The following TM6SF1 variants were observed in gnomAD, a reference collection of about 807,000 sequenced individuals.
TM6SF1 encodes the protein transmembrane 6 superfamily member 1.
Under a neutral mutation model 47.1 loss-of-function variants are expected in TM6SF1, and 43 were observed. The observed-to-expected ratio is 0.91, with a 90% CI of 0.72 to 1.18. TM6SF1 has a LOEUF of 1.18. Ranked by LOEUF, TM6SF1 falls within the 50% of genes most tolerant of loss-of-function variation. TM6SF1 has a pLI of 0.00. For missense variants in TM6SF1, 390 were observed against 449.0 expected, an observed-to-expected ratio of 0.87 and a Z score of 1.19; for synonymous variants, 177 against 166.3, an observed-to-expected ratio of 1.06 and a Z score of -0.49.
chr15:83,116,500 G>T (rs2034672043), intron 3 of TM6SF1, among the ~76,000 whole-genome samples: 1 of 152,232 alleles, frequency 6.6e-6, no homozygotes, highest in Admixed American at 6.5e-5. Context: ...AGGAAATGAG[G>T]AAAAGGGCTC....
chr15:83,107,955 G>A lies in TM6SF1; in HGVS notation c.92+183G>A. On this transcript the variant is annotated intron_variant, in intron 1 of 9. Coordinates refer to ENST00000322019, the MANE Select transcript of TM6SF1 (RefSeq NM_023003.5). This position sits in a 1 kb window ranked among gnomAD's most constrained non-coding sequence, Gnocchi z 5.6. Reference sequence around the variant, plus strand: ...GGCGCCCCAGGGGTCGCACGGGCCGGGTCTTGGAGCCGGGCCCTGAGGTGC... The same window carrying A: ...GGCGCCCCAGGGGTCGCACGGGCCGAGTCTTGGAGCCGGGCCCTGAGGTGC... 1 of 1,215,178 alleles carries A rather than the reference G, an allele frequency of 8.2e-7. No homozygotes were observed. Among genetic ancestry groups the A allele is most frequent in the South Asian group, 2.3e-5 (1 of 43,586 alleles). 75.3% of individuals were successfully genotyped at this position (1,215,178 alleles called of 1,614,324 possible).
Position 83,112,781 on chromosome 15 carries a change from G to A in TM6SF1, c.93-16G>A, listed in dbSNP as rs775487472. 14 of 1,593,370 alleles carry A rather than the reference G, an allele frequency of 8.8e-6. No individual in the cohort carries two copies. In the Admixed American group the frequency reaches 2.3e-4, roughly 27 times the overall value. On this transcript the variant is annotated splice_polypyrimidine_tract_variant and intron_variant, in intron 1 of 9. Transcript: ENST00000322019. ...TTATTTTGATAGTGACCACCTCCCT[G>A]TTCTGGTCGTTGCAGTTCCTGGACT...
chr15:83,130,448 G>T (rs1196894208), intron 9 of TM6SF1: 1 of 152,288 alleles, frequency 6.6e-6, no homozygotes, highest in African/African-American at 2.4e-5. Context: ...ATCCATCACT[G>T]CCCAGTTGAT....
intron 9 of TM6SF1, chr15:83,128,110 A>G (rs969430067): frequency 1.3e-5 from 2 of 152,210 alleles, no homozygotes; most frequent in African/African-American, 4.8e-5. Flanking sequence ...AAGAAAATTA[A>G]TTTTTCTTAC....
At chr15:83,114,503 A>G (rs553829162) in intron 2 of TM6SF1, 7 of 152,486 alleles carry the variant, frequency 4.6e-5, no homozygotes, top group East Asian at 1.9e-4. Context: ...GACACTGCCA[A>G]TGAGAACTGG....
intron 3 of TM6SF1, among the ~76,000 whole-genome samples, chr15:83,117,374 G>A (rs189737599): frequency 1.2e-4 from 19 of 152,264 alleles, no homozygotes; most frequent in Non-Finnish European, 2.2e-4. Flanking sequence ...ACGGGCCATC[G>A]GAGTGCAGTT....
At chr15:83,108,069 G>GAGGGGCCC (rs1305158679) in intron 1 of TM6SF1, among the ~76,000 whole-genome samples, 32 of 152,318 alleles carry the variant, frequency 2.1e-4, no homozygotes, top group African/African-American at 7.5e-4. Flanking sequence ...CCCTGCCCTG[G>GAGGGGCCC]AGGGGCCCAG....
chr15:83,135,762 A>G (rs2036567132), intron 9 of TM6SF1: 1 of 152,224 alleles, frequency 6.6e-6, no homozygotes, highest in Non-Finnish European at 1.5e-5. Context: ...AATAAATTAT[A>G]ATTTGATTTA....
intron 2 of TM6SF1, chr15:83,115,429 C>G (rs2034569753): frequency 2.8e-6 from 1 of 350,994 alleles, no homozygotes; most frequent in Non-Finnish European, 5.6e-6. Flanking sequence ...GAATCATTGT[C>G]TTAAACTTAG....
Position 83,122,838 on chromosome 15 carries a change from T to G in TM6SF1, c.563T>G (p.Ile188Ser). 6.2e-7 allele frequency: 1 copy of G among 1,614,124 alleles called. No individual in the cohort carries two copies. Among genetic ancestry groups the G allele is most frequent in the Non-Finnish European group, 8.5e-7 (1 of 1,179,996 alleles). Residue 188 changes from isoleucine to serine, a missense_variant, in exon 6 of 10, where the codon ATC becomes AGC. Transcript: ENST00000322019. The stretch of plus-strand genomic sequence containing the variant: ...CTTCCTGTCTGGGCTGGTTTCAGAA[T>G]CTATAATCAGCCATCAGAAAATTAT... ...TCLPVWAGFR[I>S]YNQPSENYNY...
At chr15:83,126,389 T>G (rs568082348) in intron 7 of TM6SF1, among the ~76,000 whole-genome samples, 11 of 152,236 alleles carry the variant, frequency 7.2e-5, no homozygotes, top group Non-Finnish European at 1.6e-4. Flanking sequence ...AAGATGAATT[T>G]GGTGTAGAAA....
At chr15:83,124,842 C>G in intron 7 of TM6SF1, 66 bp downstream of exon 7, 1 of 1,341,948 alleles carries the variant, frequency 7.5e-7, no homozygotes, top group Non-Finnish European at 1.1e-6. Context: ...TGGAAAAAAA[C>G]TTAGAAATAT....
At position 83,115,845 on chromosome 15, in the gene TM6SF1, T is replaced by C. The variant is rs780300570; in HGVS notation, c.197T>C (p.Val66Ala). ...TAAACTGCTGCTTTCTTTGCTCTAG[T>C]GTATGCAGTTTTTGGATTTACCAGC... ...RKPPRDPLFY[V>A]YAVFGFTSVV... Residue 66 changes from valine (V) to alanine (A), a missense_variant and splice_region_variant, in exon 3 of 10, where the codon GTG (valine) becomes GCG (alanine). Physicochemically the swap from Val to Ala is moderately conservative, Grantham distance 64. Coordinates refer to ENST00000322019, the MANE Select transcript of TM6SF1 (RefSeq NM_023003.5). The C allele has an allele frequency of 1.2e-5, 19 of 1,611,270 alleles. No individual in the cohort carries two copies. Among genetic ancestry groups the C allele is most frequent in the Non-Finnish European group, 9.3e-6 (11 of 1,177,484 alleles).
Position 83,107,771 on chromosome 15 carries a change from G to A in TM6SF1, c.91G>A (p.Asp31Asn), listed in dbSNP as rs1312254612. Residue 31 changes from aspartate (D) to asparagine (N), a missense_variant and splice_region_variant, in exon 1 of 10, where the codon GAT becomes AAT. Transcript: ENST00000322019. This position sits in a 1 kb window ranked among gnomAD's most constrained non-coding sequence, Gnocchi z 5.6. ...CTTCAACCACCTGGCGGCCCAGCAT[G>A]AGTGAGTGAGCCGGCGCGGCGGGGG... ...YVFNHLAAQHDSWTIVGVAAL... is the reference protein window; with the variant it reads ...YVFNHLAAQHNSWTIVGVAAL... 1 of 1,580,432 alleles carries A rather than the reference G, an allele frequency of 6.3e-7. No individual in the cohort carries two copies. Among genetic ancestry groups the A allele is most frequent in the Non-Finnish European group, 8.6e-7 (1 of 1,164,860 alleles).
At chr15:83,122,384 A>T (rs1293351626) in intron 5 of TM6SF1, among the ~76,000 whole-genome samples, 1 of 152,142 alleles carries the variant, frequency 6.6e-6, no homozygotes, top group African/African-American at 2.4e-5. Flanking sequence ...GCAGGAAATC[A>T]GGATATATAG....
At chr15:83,132,234 T>C (rs900460166) in intron 9 of TM6SF1, 1 of 152,242 alleles carries the variant, frequency 6.6e-6, no homozygotes, top group African/African-American at 2.4e-5. Context: ...TGGTAGAAGA[T>C]TCCCAGTAAG....
intron 9 of TM6SF1, chr15:83,135,781 G>A (rs1332890113): frequency 6.6e-6 from 1 of 152,194 alleles, no homozygotes; most frequent in Non-Finnish European, 1.5e-5. Flanking sequence ...TAAAAAGGTT[G>A]CCTGCATGTA....
chr15:83,134,110 C>A (rs1221809392), intron 9 of TM6SF1: 1 of 152,168 alleles, frequency 6.6e-6, no homozygotes, highest in Non-Finnish European at 1.5e-5. Flanking sequence ...TTGACAGTCA[C>A]AAGTCCATTG....
chr15:83,119,093 C>T (rs991002884), intron 3 of TM6SF1, among the ~76,000 whole-genome samples: 11 of 152,180 alleles, frequency 7.2e-5, no homozygotes, highest in Non-Finnish European at 1.2e-4. Context: ...CGGTGCCTGC[C>T]TGCCTATGTG....
Sources: gnomAD v4.1 joint callset for allele counts (sites outside exome capture counted in the v4.1 genomes callset) on GRCh38, gnomAD v4.1.1 for gene constraint, Gnocchi (gnomAD v3.1) non-coding constraint, MANE v1.5 for transcripts, NCBI Gene and HGNC (gene_info 2026-07-23, HGNC 2026-07-21) for gene names.